ABRA: variants seen among roughly 807,000 people sequenced by gnomAD.
The protein encoded by ABRA is actin binding Rho activating protein, also known as actin-binding Rho-activating protein.
ABRA carries 25 observed loss-of-function variants against 33.4 expected under a neutral mutation model. The observed-to-expected ratio is 0.75, with a 90% CI of 0.55 to 1.04. ABRA has a LOEUF of 1.04. Among genes scored for constraint, ABRA ranks in the 50% least tolerant of loss-of-function variants. The probability of loss-of-function intolerance (pLI) is 0.00; values close to 1 mark genes in which losing one functional copy is unlikely to be tolerated. For missense variants in ABRA, 501 were observed against 491.7 expected (o/e 1.02, Z -0.18); for synonymous variants, 193 against 176.8 (o/e 1.09, Z -0.73).
chr8:106,766,050 A>G (rs560426253), intron 1 of ABRA, among the ~76,000 whole-genome samples: 28 of 152,108 alleles, frequency 1.8e-4, no homozygotes, highest in Non-Finnish European at 3.5e-4. Flanking sequence ...CAGTTTCCCT[A>G]TTTACAAAAT....
At chr8:106,766,854 C>T (rs1836228765) in intron 1 of ABRA, among the ~76,000 whole-genome samples, 1 of 152,172 alleles carries the variant, frequency 6.6e-6, no homozygotes, top group African/African-American at 2.4e-5. Context: ...TGAGTTATCA[C>T]ATCTCTTTTT....
intron 1 of ABRA, among the ~76,000 whole-genome samples, chr8:106,762,632 G>T (rs1012461261): frequency 4.6e-5 from 7 of 152,056 alleles, no homozygotes; most frequent in Non-Finnish European, 1.0e-4. Flanking sequence ...ATGGACACAG[G>T]GAGGGGAACA....
intron 1 of ABRA, among the ~76,000 whole-genome samples, chr8:106,761,845 C>T (rs1358445224): frequency 6.6e-6 from 1 of 152,128 alleles, no homozygotes; most frequent in African/African-American, 2.4e-5. Context: ...GTATTGGTAA[C>T]ATTTTAGAAC....
rs370150080 is a variant in ABRA, at chr8:106,761,159, G to A, written c.1024C>T (p.Arg342Cys). The A allele has an allele frequency of 1.5e-5, 25 of 1,614,030 alleles. No individual in the cohort carries two copies. Among genetic ancestry groups the A allele is most frequent in the African/African-American group, 2.7e-5 (2 of 74,908 alleles). ...ATGCCCACTACTTTATCTGAAATAC[G>A]AACGTATCTGTCAAAGAGATCTCCA... ...TFGDLFDRYV[R>C]ISDKVVGILM... The change falls in exon 2 of 2, where the codon CGT becomes TGT. Residue 342 changes from arginine to cysteine, a missense_variant. Physicochemically the swap from Arg to Cys is radical, Grantham distance 180 (BLOSUM62 -3). Coordinates refer to ENST00000311955, the MANE Select transcript of ABRA (RefSeq NM_139166.5).
chr8:106,765,712 C>T (rs1397605682), intron 1 of ABRA, among the ~76,000 whole-genome samples: 2 of 152,206 alleles, frequency 1.3e-5, no homozygotes, highest in Non-Finnish European at 2.9e-5. Context: ...CTGTGATTCT[C>T]CTTGCAGATT....
At position 106,768,685 on chromosome 8, in the gene ABRA, G is replaced by A. The variant is rs537227969; in HGVS notation, c.668+838C>T. ...GTCTTGCTGTGTTGCCCAGGCTGGA[G>A]TACAGTGGCATGATCTTGGCTCACT... On this transcript the variant is annotated intron_variant, in intron 1 of 1. Coordinates refer to ENST00000311955, the MANE Select transcript of ABRA (RefSeq NM_139166.5). Among the ~76,000 whole-genome samples the A allele has an allele frequency of 2.6e-5, 4 of 152,230 alleles. No homozygotes were observed. In the East Asian group the frequency reaches 7.7e-4, roughly 29 times the overall value.
chr8:106,769,488 C>A (rs778576988), intron 1 of ABRA, 35 bp downstream of exon 1: 6 of 1,587,256 alleles, frequency 3.8e-6, no homozygotes, highest in Non-Finnish European at 5.1e-6. Context: ...CAATAGTGAT[C>A]CTGACACAAG....
At chr8:106,765,732 T>C (rs1836210546) in intron 1 of ABRA, among the ~76,000 whole-genome samples, 1 of 152,176 alleles carries the variant, frequency 6.6e-6, no homozygotes, top group South Asian at 2.1e-4. Context: ...TGAACTGTCT[T>C]CAGAGTCTAT....
chr8:106,761,444 C>T lies in ABRA; in HGVS notation c.739G>A (p.Gly247Arg), dbSNP rs760792800. The change falls in exon 2 of 2, where the codon GGG (glycine) becomes AGG (arginine). Residue 247 changes from glycine (G) to arginine (R), a missense_variant. Coordinates refer to ENST00000311955, the MANE Select transcript of ABRA (RefSeq NM_139166.5). ...QKYSPVGNLKGRWQQWADEHI... is the reference protein window; with the variant it reads ...QKYSPVGNLKRRWQQWADEHI... The stretch of plus-strand genomic sequence containing the variant: ...TCATCAGCCCACTGCTGCCATCTCC[C>T]TTTCAAGTTGCCCACTGGGCTATAT... 6.2e-7 allele frequency: 1 copy of T among 1,614,196 alleles called. No individual in the cohort carries two copies. The highest frequency in any genetic ancestry group is 8.5e-7 in the Non-Finnish European group (1 of 1,180,044).
intron 1 of ABRA, among the ~76,000 whole-genome samples, chr8:106,762,161 A>C (rs1210397235): frequency 6.6e-6 from 1 of 152,220 alleles, no homozygotes; most frequent in East Asian, 1.9e-4. Context: ...TGAGATAGGT[A>C]CTACTATTCC....
intron 1 of ABRA, among the ~76,000 whole-genome samples, chr8:106,766,301 T>G (rs941945646): frequency 1.1e-4 from 16 of 152,116 alleles, no homozygotes; most frequent in African/African-American, 3.6e-4. Flanking sequence ...TGGTAAAGAA[T>G]TTATCTACTT....
chr8:106,761,008 G>A lies in ABRA; in HGVS notation c.*29C>T, dbSNP rs1836127552. 8 of 1,592,100 alleles carry A rather than the reference G, an allele frequency of 5.0e-6. No individual in the cohort carries two copies. The highest frequency in any genetic ancestry group is 6.9e-6 in the Non-Finnish European group (8 of 1,164,474). ...AGCATTTAGCATTAAGACCATAGTG[G>A]GCCAAATTTGGCTTTTGTTTTTGAA... On this transcript the variant is annotated 3_prime_UTR_variant, in exon 2 of 2. Transcript: ENST00000311955.
At chr8:106,764,369 C>T (rs1836180238) in intron 1 of ABRA, among the ~76,000 whole-genome samples, 1 of 152,148 alleles carries the variant, frequency 6.6e-6, no homozygotes, top group African/African-American at 2.4e-5. Flanking sequence ...TGAAGAGCTT[C>T]TAGGCCAGGC....
intron 1 of ABRA, among the ~76,000 whole-genome samples, chr8:106,765,796 T>C (rs1236952528): frequency 3.3e-5 from 5 of 152,200 alleles, no homozygotes; most frequent in African/African-American, 9.6e-5. Flanking sequence ...AGCATAATTT[T>C]GCCTTTGTTT....
intron 1 of ABRA, among the ~76,000 whole-genome samples, chr8:106,763,627 G>A (rs181598157): frequency 3.7e-4 from 57 of 152,314 alleles, no homozygotes; most frequent in African/African-American, 1.3e-3. Context: ...TGTGAGCCAT[G>A]CTAATCAATG....
intron 1 of ABRA, among the ~76,000 whole-genome samples, chr8:106,768,146 T>G (rs996037074): frequency 6.6e-6 from 1 of 152,148 alleles, no homozygotes; most frequent in African/African-American, 2.4e-5. Flanking sequence ...ACAATTTTTT[T>G]CTTTATTTTC....
chr8:106,769,213 TAAAG>T (rs1810556505), intron 1 of ABRA, among the ~76,000 whole-genome samples: 4 of 152,202 alleles, frequency 2.6e-5, no homozygotes, highest in African/African-American at 9.7e-5. Flanking sequence ...AGAACTGACT[TAAAG>T]AATTCACGAA....
In ABRA at chr8:106,769,813, G is replaced by A. The variant is rs780866067; in HGVS notation, c.378C>T (p.His126=). 6.2e-7 allele frequency: 1 copy of A among 1,614,042 alleles called. No individual in the cohort carries two copies. Among genetic ancestry groups the A allele is most frequent in the Non-Finnish European group, 8.5e-7 (1 of 1,180,040 alleles). The change falls in exon 1 of 2, where the codon CAC becomes CAT. Residue 126 remains histidine, a synonymous_variant. Coordinates refer to ENST00000311955, the MANE Select transcript of ABRA (RefSeq NM_139166.5). ...KTYERGGDVS[H]LSHRYERDAG... ...CATCCCTCTCGTACCTGTGGCTGAG[G>A]TGGCTCACGTCCCCTCCTCTCTCAT...
rs1328928932 is a variant in ABRA, at chr8:106,769,594, C to T, written c.597G>A (p.Glu199=). 13 of 1,614,100 alleles carry T rather than the reference C, an allele frequency of 8.1e-6. No individual in the cohort carries two copies. The highest frequency in any genetic ancestry group is 1.1e-5 in the Non-Finnish European group (13 of 1,180,048). The change falls in exon 1 of 2, where the codon GAG becomes GAA. Residue 199 remains glutamate (E), a synonymous_variant. Transcript: ENST00000311955. ...VDTEDSGYGG[E]AEERPEQDGV... is the part of the protein sequence containing the mutation. ...CATCCTGCTCGGGCCTCTCCTCAGC[C>T]TCTCCTCCATAGCCGCTGTCCTCTG... is the stretch of plus-strand genomic sequence containing the variant.
Sources: gnomAD v4.1 joint callset for allele counts (sites outside exome capture counted in the v4.1 genomes callset) on GRCh38, gnomAD v4.1.1 for gene constraint, MANE v1.5 for transcripts, NCBI Gene and HGNC (gene_info 2026-07-23, HGNC 2026-07-21) for gene names.